FBXO11: variants seen among roughly 807,000 people sequenced by gnomAD.
FBXO11 encodes F-box only protein 11.
In FBXO11, 13 loss-of-function variants were observed where a neutral mutation model predicts 117.0. The ratio of observed to expected loss-of-function variants is 0.11; its 90% confidence interval spans 0.07 to 0.18. The LOEUF (loss-of-function observed/expected upper bound fraction) is 0.18. FBXO11 is among the 10% of genes least tolerant of loss of function. The probability of loss-of-function intolerance (pLI) is 1.00; values close to 1 mark genes in which losing one functional copy is unlikely to be tolerated. For missense variants in FBXO11, 767 were observed against 1,164.4 expected, an observed-to-expected ratio of 0.66 and a Z score of 4.97; for synonymous variants, 490 against 380.5, an observed-to-expected ratio of 1.29 and a Z score of -3.35.
In FBXO11 at chr2:47,819,085, G is replaced by T. The variant is rs375331541; in HGVS notation, c.1798-7C>A. 1 of 1,612,076 alleles carries T rather than the reference G, an allele frequency of 6.2e-7. No homozygotes were observed. The highest frequency in any genetic ancestry group is 2.2e-5 in the East Asian group (1 of 44,866). On this transcript the variant is annotated splice_polypyrimidine_tract_variant and splice_region_variant and intron_variant, in intron 14 of 22. Transcript: ENST00000403359. ...CTCCTTGTCCCTTTTCATGCTAAATGAAAGTTACACTGGTTATAATATTTA... is the reference window on the plus strand; with the variant it reads ...CTCCTTGTCCCTTTTCATGCTAAATTAAAGTTACACTGGTTATAATATTTA...
intron 13 of FBXO11, 71 bp from the exon 14 acceptor site, chr2:47,820,527 G>A (rs1250238015): frequency 3.4e-6 from 4 of 1,173,114 alleles, no homozygotes; most frequent in Non-Finnish European, 4.9e-6. Flanking sequence ...TTTACATTAG[G>A]TAGTGGTTAA....
chr2:47,874,104 C>T (rs1322669568), intron 1 of FBXO11, among the ~76,000 whole-genome samples: 2 of 152,086 alleles, frequency 1.3e-5, no homozygotes, highest in Non-Finnish European at 2.9e-5. Flanking sequence ...ATTCCAGCTA[C>T]TTGGGAGGCT....
At chr2:47,856,737 C>G (rs906050981) in intron 1 of FBXO11, among the ~76,000 whole-genome samples, 1 of 152,076 alleles carries the variant, frequency 6.6e-6, no homozygotes, top group Non-Finnish European at 1.5e-5. Context: ...AACAATCAAC[C>G]TACATATAAA....
At chr2:47,853,781 G>A (rs1329463368) in intron 1 of FBXO11, among the ~76,000 whole-genome samples, 1 of 152,154 alleles carries the variant, frequency 6.6e-6, no homozygotes, top group Admixed American at 6.5e-5. Flanking sequence ...TCATAATTGA[G>A]ATGGGATACT....
At chr2:47,811,748 T>C (rs558421621) in intron 18 of FBXO11, 33 of 152,278 alleles carry the variant, frequency 2.2e-4, no homozygotes, top group Admixed American at 7.8e-4. Context: ...TCAACCCCCA[T>C]ATTAAATCAA....
In FBXO11 at chr2:47,906,438, GCTT is replaced by G. The variant is rs1229639843; in HGVS notation, c.-721_-719del. ...CCTCCTCGTCAGCCCTGTCGCCGCT[GCTT>G]CTGCTGCTGCTCCGTGGCAGGAGGA... is the stretch of plus-strand genomic sequence containing the variant. On this transcript the variant is annotated 5_prime_UTR_variant, in exon 1 of 23. Transcript: ENST00000403359. Among the ~76,000 whole-genome samples the G allele has an allele frequency of 6.6e-6, 1 of 152,114 alleles. No homozygotes were observed. The highest frequency in any genetic ancestry group is 1.5e-5 in the Non-Finnish European group (1 of 67,998).
rs1269366702 is a variant in FBXO11 at position 47,888,339 on chromosome 2, T to C, written c.232+17150A>G. Among the ~76,000 whole-genome samples the C allele has an allele frequency of 2.0e-5, 3 of 152,196 alleles. No individual in the cohort carries two copies. The East Asian group carries it at 5.8e-4, about 29-fold the overall frequency. On this transcript the variant is annotated intron_variant, in intron 1 of 22. Transcript: ENST00000403359. The stretch of plus-strand genomic sequence containing the variant: ...CATCACTCTGAACAAACCTCAAGAA[T>C]TGGGACAGTGGTTCCTTCTATTTCA...
intron 1 of FBXO11, among the ~76,000 whole-genome samples, chr2:47,879,444 T>G (rs1268938440): frequency 1.3e-5 from 2 of 152,178 alleles, no homozygotes; most frequent in Non-Finnish European, 2.9e-5. Context: ...CCAACTTTTG[T>G]TTTTGCCTAA....
At position 47,874,867 on chromosome 2, in the gene FBXO11, CT is replaced by C. The variant is rs377037169; in HGVS notation, c.232+30621del. 7.9e-3 allele frequency among the ~76,000 whole-genome samples: 1,015 copies of C among 128,858 alleles called. 7 individuals are homozygous for C. The highest frequency in any genetic ancestry group is 0.016 in the African/African-American group (561 of 34,956). The allele number at this position is 128,858 out of a possible 152,430, so 84.5% of individuals were successfully genotyped here. On this transcript the variant is annotated intron_variant, in intron 1 of 22. Coordinates refer to ENST00000403359, the MANE Select transcript of FBXO11 (RefSeq NM_001190274.2). The stretch of plus-strand genomic sequence containing the variant: ...AAATTTAAAAAACATTGTCTCAGGA[CT>C]TTTTTTTTTTTTTTTTTTTAAAGCA...
At chr2:47,840,272 G>C (rs547757930) in intron 1 of FBXO11, among the ~76,000 whole-genome samples, 1 of 152,092 alleles carries the variant, frequency 6.6e-6, no homozygotes, top group South Asian at 2.1e-4. Flanking sequence ...AAAAAGGTGA[G>C]GAGGATATCC....
chr2:47,826,273 G>A (rs1004601168), intron 11 of FBXO11, among the ~76,000 whole-genome samples: 5 of 151,294 alleles, frequency 3.3e-5, no homozygotes, highest in Non-Finnish European at 5.9e-5. Flanking sequence ...CAGCCAGGAT[G>A]GTCTCGATCT....
chr2:47,854,873 TTA>T (rs1195416618), intron 1 of FBXO11, among the ~76,000 whole-genome samples: 1 of 151,752 alleles, frequency 6.6e-6, no homozygotes, highest in Non-Finnish European at 1.5e-5. Flanking sequence ...GTTTTTTTTT[TTA>T]GTGGAAAAAT....
intron 12 of FBXO11, among the ~76,000 whole-genome samples, chr2:47,822,839 T>C (rs1003399690): frequency 6.6e-6 from 1 of 152,144 alleles, no homozygotes; most frequent in African/African-American, 2.4e-5. Context: ...CAAGGGGAGG[T>C]AACAGTCCTA....
intron 4 of FBXO11, among the ~76,000 whole-genome samples, chr2:47,838,119 G>C (rs868724087): frequency 5.3e-5 from 8 of 151,192 alleles, no homozygotes; most frequent in African/African-American, 9.7e-5. Flanking sequence ...TGTGGTGCCA[G>C]CTACTCAGGA....
Position 47,866,865 on chromosome 2 carries a change from C to T in FBXO11, c.233-27096G>A, listed in dbSNP as rs190794582. Among the ~76,000 whole-genome samples the T allele has an allele frequency of 1.4e-3, 216 of 152,284 alleles. 1 individual carries two copies. Among genetic ancestry groups the T allele is most frequent in the Non-Finnish European group, 2.0e-3 (133 of 68,034 alleles). On this transcript the variant is annotated intron_variant, in intron 1 of 22. Coordinates refer to ENST00000403359, the MANE Select transcript of FBXO11 (RefSeq NM_001190274.2). ...ACATACTTTGATAACAGCCAGGATT[C>T]TCCATGATGAGCCTTGATCATCTTC... is the stretch of plus-strand genomic sequence containing the variant.
intron 1 of FBXO11, among the ~76,000 whole-genome samples, chr2:47,854,573 A>G (rs1207710293): frequency 6.6e-6 from 1 of 152,174 alleles, no homozygotes; most frequent in Non-Finnish European, 1.5e-5. Flanking sequence ...TAACCTCTCT[A>G]GAATTCAATT....
At chr2:47,808,625 G>A (rs1670390799) in intron 21 of FBXO11, 198 bp from the exon 22 acceptor site, 4 of 496,530 alleles carry the variant, frequency 8.1e-6, no homozygotes, top group African/African-American at 1.9e-5. Flanking sequence ...TCGGAGGGAA[G>A]AGAAATGATT....
At chr2:47,899,497 G>A (rs1235825585) in intron 1 of FBXO11, among the ~76,000 whole-genome samples, 4 of 152,108 alleles carry the variant, frequency 2.6e-5, no homozygotes, top group African/African-American at 9.7e-5. Flanking sequence ...TATAAGGCAG[G>A]TGTGATTCCC....
chr2:47,832,131 T>C (rs993250057), intron 11 of FBXO11, among the ~76,000 whole-genome samples: 2 of 152,172 alleles, frequency 1.3e-5, no homozygotes, highest in South Asian at 4.1e-4. Flanking sequence ...AGATCACATA[T>C]ATTGCCTAAG....
Sources: allele counts gnomAD v4.1 joint callset (sites outside exome capture counted in the v4.1 genomes callset), GRCh38; gene constraint gnomAD v4.1.1; transcripts MANE v1.5; gene names NCBI Gene and HGNC (gene_info 2026-07-23, HGNC 2026-07-21).